NUP188: variants seen among roughly 807,000 people sequenced by gnomAD.
The protein encoded by NUP188 is nucleoporin 188.
Under a neutral mutation model 223.0 loss-of-function variants are expected in NUP188, and 97 were observed. The ratio of observed to expected loss-of-function variants is 0.43; its 90% CI spans 0.37 to 0.51. The LOEUF is 0.51. Ranked by LOEUF, NUP188 falls within the 20% of genes least tolerant of loss-of-function variation. The pLI, the probability that NUP188 is intolerant of heterozygous loss-of-function variation, is 0.00. For missense variants in NUP188, 1,947 were observed against 2,175.6 expected, an observed-to-expected ratio of 0.89 and a Z score of 2.09; for synonymous variants, 869 against 828.0, an observed-to-expected ratio of 1.05 and a Z score of -0.85.
intron 12 of NUP188, among the ~76,000 whole-genome samples, chr9:128,975,361 C>A (rs536938342): frequency 5.9e-4 from 87 of 147,244 alleles, no homozygotes; most frequent in African/African-American, 1.9e-3. Context: ...GTAGCTGGGA[C>A]AACAGGCGCC....
intron 38 of NUP188, 31 bp downstream of exon 38, chr9:129,003,485 G>A (rs1842714212): frequency 6.2e-7 from 1 of 1,603,174 alleles, no homozygotes; most frequent in African/African-American, 1.3e-5. Flanking sequence ...CTTGGAGTCT[G>A]GGGTAATGCT....
Position 128,968,694 on chromosome 9 carries a change from G to A in NUP188, c.774G>A (p.Met258Ile). The change falls in exon 9 of 44, where the codon ATG (methionine) becomes ATA (isoleucine). Residue 258 changes from methionine to isoleucine, a missense_variant. Physicochemically the swap from Met to Ile is conservative, Grantham distance 10. Coordinates refer to ENST00000372577, the MANE Select transcript of NUP188 (RefSeq NM_015354.3). Reference protein sequence around the residue: ...QTNRHLVDETMDPFVDRIGYF... With the variant: ...QTNRHLVDETIDPFVDRIGYF... The stretch of plus-strand genomic sequence containing the variant: ...ATAGGCACCTGGTGGATGAGACTAT[G>A]GATCCTTTTGTAGATCGGATTGGGT... 1 of 1,613,932 alleles carries A rather than the reference G, an allele frequency of 6.2e-7. No homozygotes were observed.
In NUP188 at chr9:128,952,093, G is replaced by A. The variant is rs558677212; in HGVS notation, c.88-680G>A. Among the ~76,000 whole-genome samples, 7 of 151,954 alleles carry A rather than the reference G, an allele frequency of 4.6e-5. 1 individual carries two copies. The highest frequency in any genetic ancestry group is 1.0e-4 in the Non-Finnish European group (7 of 67,974). On this transcript the variant is annotated intron_variant, in intron 2 of 43. Coordinates refer to ENST00000372577, the MANE Select transcript of NUP188 (RefSeq NM_015354.3). Reference sequence around the variant, plus strand: ...CAGGCCTGAGCCACCATGCCTGGCCGAGTCTGATTATTAATAAAACTGCAT... The same window carrying A: ...CAGGCCTGAGCCACCATGCCTGGCCAAGTCTGATTATTAATAAAACTGCAT...
intron 38 of NUP188, chr9:129,003,705 C>G (rs1238792419): frequency 1.2e-5 from 7 of 567,000 alleles, no homozygotes; most frequent in Non-Finnish European, 9.6e-6. Flanking sequence ...CTTAAGAATA[C>G]ACTTGGGGCC....
intron 26 of NUP188, 51 bp downstream of exon 26, chr9:128,993,454 A>ATGCTGGGCTCTGCAAGTACAGC (rs768526949): frequency 2.1e-4 from 340 of 1,612,330 alleles, no homozygotes; most frequent in Non-Finnish European, 2.6e-4. Context: ...TGGGAGGCAG[A>ATGCTGGGCTCTGCAAGTACAGC]TGCTGGGCTC....
At chr9:128,952,750 A>G (rs1043037423) in intron 2 of NUP188, 23 bp from the exon 3 acceptor site, 5 of 1,598,144 alleles carry the variant, frequency 3.1e-6, no homozygotes, top group Middle Eastern at 1.7e-4. Context: ...CTGCATTTGT[A>G]TAATTACCTT....
In NUP188 at chr9:129,005,710, C is replaced by T. The variant is rs756662679; in HGVS notation, c.4803C>T (p.Ser1601=). ...GCTTTACCACTCCCACCTTTGACTC[C>T]GAAGTGGCCCCCTCCTTCGGGACCC... ...ALSFTTPTFD[S]EVAPSFGTLL... The change falls in exon 41 of 44, where the codon TCC becomes TCT. Residue 1601 remains serine (S), a synonymous_variant. Transcript: ENST00000372577. The T allele has an allele frequency of 5.8e-5, 94 of 1,613,962 alleles. No homozygotes were observed. The Admixed American group carries it at 8.0e-4, about 14-fold the overall frequency.
chr9:128,982,728 C>T, intron 16 of NUP188, 27 bp downstream of exon 16: 3 of 1,611,172 alleles, frequency 1.9e-6, no homozygotes, highest in Non-Finnish European at 2.5e-6. Flanking sequence ...GAAACATCAC[C>T]TACGAGGAGG....
intron 20 of NUP188, 49 bp downstream of exon 20, chr9:128,985,063 C>A: frequency 7.6e-7 from 1 of 1,322,552 alleles, no homozygotes; most frequent in Non-Finnish European, 1.1e-6. Flanking sequence ...AAGGTCCAGT[C>A]TTGTCAGATG....
chr9:128,999,618 C>A lies in NUP188; in HGVS notation c.3662-6C>A. ...ATGACAGTGTCCCTCCCTGTCTATTCTACAGTAAGTGACATCCCCCAGTAC... is the reference window on the plus strand; with the variant it reads ...ATGACAGTGTCCCTCCCTGTCTATTATACAGTAAGTGACATCCCCCAGTAC... On this transcript the variant is annotated splice_region_variant and splice_polypyrimidine_tract_variant and intron_variant, in intron 33 of 43. Transcript: ENST00000372577. The A allele has an allele frequency of 1.9e-6, 3 of 1,613,044 alleles. No individual in the cohort carries two copies. The South Asian group carries it at 3.3e-5, about 18-fold the overall frequency.
chr9:128,965,392 T>G (rs1265168340), intron 8 of NUP188, among the ~76,000 whole-genome samples: 1 of 152,164 alleles, frequency 6.6e-6, no homozygotes, highest in Non-Finnish European at 1.5e-5. Context: ...CTCTTTAGAG[T>G]CTAGTGCTGT....
chr9:128,953,016 G>A (rs1487257760), intron 3 of NUP188, 170 bp downstream of exon 3: 15 of 540,080 alleles, frequency 2.8e-5, no homozygotes, highest in South Asian at 1.3e-4. Flanking sequence ...TTTGTTGACC[G>A]AAAGAAAAGG....
At chr9:128,996,973 A>G (rs1023266726) in intron 30 of NUP188, among the ~76,000 whole-genome samples, 6 of 152,356 alleles carry the variant, frequency 3.9e-5, no homozygotes, top group East Asian at 1.9e-4. Context: ...AGAGTGCCCT[A>G]TGATGGAGGA....
Position 129,003,418 on chromosome 9 carries a change from G to A in NUP188, c.4398G>A (p.Trp1466Ter), listed in dbSNP as rs1431710784. The part of the protein sequence containing the change: ...ILQLSNFMKE[W>*]HFHLPQLMRD... Reference sequence around the variant, plus strand: ...AGCTCTCTAACTTCATGAAGGAGTGGCACTTCCACCTGCCTCAGCTCATGC... The same window carrying A: ...AGCTCTCTAACTTCATGAAGGAGTGACACTTCCACCTGCCTCAGCTCATGC... Residue 1466 changes from tryptophan (W) to a stop codon, truncating the protein, a stop_gained, in exon 38 of 44, where the codon TGG becomes TGA. Transcript: ENST00000372577. LOFTEE classifies it high-confidence loss of function. 2 of 1,612,734 alleles carry A rather than the reference G, an allele frequency of 1.2e-6. No homozygotes were observed. Among genetic ancestry groups the A allele is most frequent in the Non-Finnish European group, 1.7e-6 (2 of 1,179,980 alleles).
intron 43 of NUP188, 65 bp from the exon 44 acceptor site, chr9:129,006,437 A>AC: frequency 6.2e-7 from 1 of 1,612,062 alleles, no homozygotes; most frequent in Admixed American, 1.7e-5. Flanking sequence ...CTGCCTGGCA[A>AC]CCCCCAAGGG....
chr9:128,970,973 C>T lies in NUP188; in HGVS notation c.1113+15C>T, dbSNP rs1427269198. 12 of 1,606,584 alleles carry T rather than the reference C, an allele frequency of 7.5e-6. No individual in the cohort carries two copies. The highest frequency in any genetic ancestry group is 1.0e-5 in the Non-Finnish European group (12 of 1,173,158). On this transcript the variant is annotated intron_variant, in intron 11 of 43. Coordinates refer to ENST00000372577, the MANE Select transcript of NUP188 (RefSeq NM_015354.3). ...GGGGAAATGATGTGAGTTTAAGGCT[C>T]TGGGTGGTGAGCATGGGAGTGAGCC...
intron 25 of NUP188, among the ~76,000 whole-genome samples, chr9:128,990,836 G>A (rs577067074): frequency 1.3e-5 from 2 of 152,192 alleles, no homozygotes; most frequent in Non-Finnish European, 2.9e-5. Context: ...CTGCACTCCA[G>A]CCTGGGTGAC....
At position 129,005,394 on chromosome 9, in the gene NUP188, A is replaced by G. The variant is rs1428622209; in HGVS notation, c.4601A>G (p.Gln1534Arg). 6.2e-7 allele frequency: 1 copy of G among 1,612,356 alleles called. No homozygotes were observed. The highest frequency in any genetic ancestry group is 1.1e-5 in the South Asian group (1 of 91,076). The change falls in exon 40 of 44, where the codon CAG becomes CGG. Residue 1534 changes from glutamine (Q) to arginine (R), a missense_variant. Transcript: ENST00000372577. ...TCTGCTGCCCCCTCCTCCTCAAAGC[A>G]GCCCGCTGCTGACACAGAGGCATCA... ...AASAAPSSSK[Q>R]PAADTEASEQ...
Position 128,947,768 on chromosome 9 carries a change from A to T in NUP188, c.32+17A>T. ...GTGTGTGAGGTGCGGAGCGGGTCGA[A>T]TGGACCGGGGTGGCTGTGAAGCGCG... On this transcript the variant is annotated intron_variant, in intron 1 of 43. Coordinates refer to ENST00000372577, the MANE Select transcript of NUP188 (RefSeq NM_015354.3). 1 of 1,433,434 alleles carries T rather than the reference A, an allele frequency of 7.0e-7. No homozygotes were observed. The highest frequency in any genetic ancestry group is 9.1e-7 in the Non-Finnish European group (1 of 1,094,898). 88.8% of individuals were successfully genotyped at this position (1,433,434 alleles called of 1,614,324 possible). A position where few individuals can be genotyped will look rare whatever the true frequency, so the allele number is the denominator to read the frequency against.
Sources: allele counts gnomAD v4.1 joint callset (sites outside exome capture counted in the v4.1 genomes callset), GRCh38; gene constraint gnomAD v4.1.1; transcripts MANE v1.5; gene names NCBI Gene and HGNC (gene_info 2026-07-23, HGNC 2026-07-21).